Variants in GLI3 observed in about 807,000 individuals in gnomAD.
GLI3 encodes the protein GLI family zinc finger 3, also known as transcription activator GLI3.
Under a neutral mutation model 100.8 loss-of-function variants are expected in GLI3, and 20 were observed. The ratio of observed to expected loss-of-function variants is 0.20; its 90% CI spans 0.14 to 0.29. The LOEUF is 0.29. Among genes scored for constraint, GLI3 ranks in the 10% least tolerant of loss-of-function variants. The pLI is 1.00. For missense variants in GLI3, 2,040 were observed against 2,128.5 expected (o/e 0.96, Z 0.82); for synonymous variants, 938 against 860.5 (o/e 1.09, Z -1.58).
chr7:42,021,252 A>G (rs2128729745), intron 10 of GLI3, among the ~76,000 whole-genome samples: 1 of 152,346 alleles, frequency 6.6e-6, no homozygotes, highest in Admixed American at 6.5e-5. Flanking sequence ...TTTATCTCAG[A>G]CTAAAATTAA....
chr7:42,107,332 AAAAC>A (rs765355796), intron 3 of GLI3, among the ~76,000 whole-genome samples: 3 of 152,132 alleles, frequency 2.0e-5, no homozygotes, highest in African/African-American at 4.8e-5. Flanking sequence ...TCTCAAAGGG[AAAAC>A]AAACAAACAA....
intron 13 of GLI3, among the ~76,000 whole-genome samples, chr7:41,968,225 C>T (rs1192533596): frequency 6.6e-6 from 1 of 152,166 alleles, no homozygotes; most frequent in African/African-American, 2.4e-5. Flanking sequence ...TCCTCGGTTC[C>T]AATCCCATCT....
At chr7:42,227,506 A>G (rs975531401) in intron 1 of GLI3, 2 of 152,056 alleles carry the variant, frequency 1.3e-5, no homozygotes, top group Non-Finnish European at 2.9e-5. Flanking sequence ...CCAGGGCACA[A>G]TTAATTCCAG....
intron 10 of GLI3, among the ~76,000 whole-genome samples, chr7:41,981,294 T>C (rs1787661323): frequency 6.6e-6 from 1 of 152,136 alleles, no homozygotes; most frequent in African/African-American, 2.4e-5. Flanking sequence ...TAAGCTTGGG[T>C]TAGCTTGCCA....
intron 3 of GLI3, among the ~76,000 whole-genome samples, chr7:42,124,698 C>T (rs1786083267): frequency 6.6e-6 from 1 of 152,184 alleles, no homozygotes; most frequent in Non-Finnish European, 1.5e-5. Flanking sequence ...TTTTAAATGA[C>T]AGTGAAATGC....
rs910314236 is a variant in GLI3 at position 42,043,539 on chromosome 7, G to A, written c.826+1845C>T. Reference sequence around the variant, plus strand: ...TTATTGTTCTAACACAGATATCTCCGATCTGGCTTTCTGTTAATTATTTTG... The same window carrying A: ...TTATTGTTCTAACACAGATATCTCCAATCTGGCTTTCTGTTAATTATTTTG... On this transcript the variant is annotated intron_variant, in intron 6 of 14. Transcript: ENST00000395925. Among the ~76,000 whole-genome samples, 3 of 152,078 alleles carry A rather than the reference G, an allele frequency of 2.0e-5. No individual in the cohort carries two copies. In the East Asian group the frequency reaches 5.8e-4, roughly 29 times the overall value.
rs140837674 is a variant in GLI3, at chr7:42,158,265, C to T, written c.125-9797G>A. ...ATGCGTTAATCCCACTGAATCTTCA[C>T]AGACCTGTCCAGGATGCAGTATCAT... On this transcript the variant is annotated intron_variant, in intron 2 of 14. Transcript: ENST00000395925. 2.9e-3 allele frequency among the ~76,000 whole-genome samples: 439 copies of T among 152,338 alleles called. 2 individuals carry two copies. Among genetic ancestry groups the T allele is most frequent in the African/African-American group, 9.9e-3 (410 of 41,588 alleles).
chr7:42,139,321 C>T (rs1786509155), intron 3 of GLI3, among the ~76,000 whole-genome samples: 1 of 152,104 alleles, frequency 6.6e-6, no homozygotes, highest in Non-Finnish European at 1.5e-5. Flanking sequence ...ATTGGGGTTA[C>T]CTATTACAGA....
chr7:42,046,588 A>G (rs1784250064), intron 5 of GLI3, among the ~76,000 whole-genome samples: 4 of 152,216 alleles, frequency 2.6e-5, no homozygotes, highest in Admixed American at 2.6e-4. Context: ...TGATATATAT[A>G]CTCGTCATCA....
At chr7:42,216,676 A>G (rs1187313433) in intron 2 of GLI3, among the ~76,000 whole-genome samples, 1 of 152,162 alleles carries the variant, frequency 6.6e-6, no homozygotes, top group African/African-American at 2.4e-5. Context: ...AATAATAATA[A>G]TTTTAAAAAT....
At chr7:41,971,737 G>A (rs1479082278) in intron 13 of GLI3, among the ~76,000 whole-genome samples, 1 of 152,098 alleles carries the variant, frequency 6.6e-6, no homozygotes, top group Non-Finnish European at 1.5e-5. Context: ...ACTCACCCCT[G>A]CTATGCTGTT....
chr7:42,014,685 C>T (rs1254385322), intron 10 of GLI3, among the ~76,000 whole-genome samples: 1 of 152,150 alleles, frequency 6.6e-6, no homozygotes, highest in Non-Finnish European at 1.5e-5. Flanking sequence ...CCTGCTTGTA[C>T]ATCGATAGTA....
intron 10 of GLI3, among the ~76,000 whole-genome samples, chr7:42,009,612 C>T (rs1443664236): frequency 6.6e-6 from 1 of 151,680 alleles, no homozygotes; most frequent in Non-Finnish European, 1.5e-5. Context: ...AACGATCTTA[C>T]TCTTGTGTCA....
Position 42,040,137 on chromosome 7 carries a change from A to T in GLI3, c.929T>A (p.Ile310Lys). Residue 310 changes from isoleucine to lysine, a missense_variant, in exon 7 of 15, where the codon ATA becomes AAA. Around this residue, in one of 5 missense-constraint regions of GLI3, gnomAD observed 603 missense variants for 690.9 expected, o/e 0.87. Coordinates refer to ENST00000395925, the MANE Select transcript of GLI3 (RefSeq NM_000168.6). ...SDHSFDLQTM[I>K]RTSPNSLVTI... ...GACCAAGGAGTTGGGAGACGTCCTT[A>T]TCATGGTCTGAAGGTCAAAGCTATG... The T allele has an allele frequency of 6.2e-7, 1 of 1,614,036 alleles. No homozygotes were observed. Among genetic ancestry groups the T allele is most frequent in the Non-Finnish European group, 8.5e-7 (1 of 1,179,876 alleles).
chr7:42,245,822 T>TA (rs1788964998), intron 1 of GLI3, among the ~76,000 whole-genome samples: 1 of 151,678 alleles, frequency 6.6e-6, no homozygotes, highest in Non-Finnish European at 1.5e-5. Flanking sequence ...TAAAGATACT[T>TA]AGAGTAGTTC....
intron 3 of GLI3, among the ~76,000 whole-genome samples, chr7:42,146,164 C>T (rs764671655): frequency 6.6e-6 from 1 of 152,144 alleles, no homozygotes; most frequent in Non-Finnish European, 1.5e-5. Context: ...TAAGTTATCA[C>T]ATAATTTTAA....
At chr7:42,006,326 A>G (rs1788460225) in intron 10 of GLI3, among the ~76,000 whole-genome samples, 2 of 152,114 alleles carry the variant, frequency 1.3e-5, no homozygotes, top group South Asian at 2.1e-4. Flanking sequence ...CTCTGGAGTG[A>G]GGCTCAGGAA....
chr7:41,988,476 G>A (rs199918434), intron 10 of GLI3, among the ~76,000 whole-genome samples: 145 of 1,870 alleles, frequency 0.078, 3 homozygotes, highest in East Asian at 0.45. Context: ...AAAAAAAAAG[G>A]GGGGGGGGGT....
intron 1 of GLI3, among the ~76,000 whole-genome samples, chr7:42,244,610 C>T (rs148655331): frequency 8.3e-4 from 126 of 151,732 alleles, no homozygotes; most frequent in African/African-American, 2.8e-3. Flanking sequence ...ATGGGCCAGG[C>T]AATTAAGGCC....
Sources: allele counts gnomAD v4.1 joint callset (sites outside exome capture counted in the v4.1 genomes callset), GRCh38; gene constraint gnomAD v4.1.1; regional missense constraint gnomAD v4.1.1; transcripts MANE v1.5; gene names NCBI Gene and HGNC (gene_info 2026-07-23, HGNC 2026-07-21).